Variants in PARVB observed in about 807,000 individuals in gnomAD.
PARVB encodes parvin beta, also known as beta-parvin.
Under a neutral mutation model 47.0 loss-of-function variants are expected in PARVB, and 46 were observed. That is an observed-to-expected ratio of 0.98 (90% CI 0.77 to 1.25). The LOEUF is 1.25. Ranked by LOEUF, PARVB falls within the 50% of genes most tolerant of loss-of-function variation. PARVB has a pLI of 0.00. For missense variants in PARVB, 473 were observed against 471.6 expected (o/e 1.00, Z -0.03); for synonymous variants, 196 against 196.3 (o/e 1.00, Z 0.01).
At chr22:44,084,326 G>A (rs1406441171) in intron 1 of PARVB, among the ~76,000 whole-genome samples, 3 of 152,238 alleles carry the variant, frequency 2.0e-5, no homozygotes, top group Non-Finnish European at 2.9e-5. Context: ...GGTGGCAGGA[G>A]GGGTGGCTCT....
At chr22:44,022,078 C>G (rs1157429842), upstream of PARVB, among the ~76,000 whole-genome samples, 2 of 152,122 alleles carry the variant, frequency 1.3e-5, no homozygotes, top group African/African-American at 2.4e-5. Context: ...TTCATCTTCA[C>G]TTGATCATCT....
intron 1 of PARVB, among the ~76,000 whole-genome samples, chr22:44,033,280 G>A (rs1231826502): frequency 6.6e-6 from 1 of 152,132 alleles, no homozygotes; most frequent in Non-Finnish European, 1.5e-5. Context: ...GACCTCAACT[G>A]ATCCGCCCAC....
At position 44,093,946 on chromosome 22, in the gene PARVB, A is replaced by G; in HGVS notation, c.131A>G (p.Glu44Gly). 1 of 1,613,612 alleles carries G rather than the reference A, an allele frequency of 6.2e-7. No homozygotes were observed. Among genetic ancestry groups the G allele is most frequent in the Non-Finnish European group, 8.5e-7 (1 of 1,179,558 alleles). Residue 44 changes from glutamate (E) to glycine (G), a missense_variant, in exon 2 of 13, where the codon GAA (glutamate) becomes GGA (glycine). Physicochemically the swap from Glu to Gly is moderately conservative, Grantham distance 98. Transcript: ENST00000338758. ...TCAACAGTGAGTGACCTGCAGGAAG[A>G]AGGCAAGAATGCCATCAACTCACCG... ...RAREVSDLQE[E>G]GKNAINSPMS...
In PARVB at chr22:44,103,718, C is replaced by T. The variant is rs2052504234; in HGVS notation, c.273+3595C>T. ...AGAGGGACATGGGGAGCTTTGACTG[C>T]CCATGAACATGGCAGCTTGACCCTG... On this transcript the variant is annotated intron_variant, in intron 3 of 12. Transcript: ENST00000338758. The surrounding 1 kb of genome is among the most constrained non-coding windows in gnomAD (Gnocchi z 4.6). 6.6e-6 allele frequency: 1 copy of T among 152,242 alleles called. No individual in the cohort carries two copies. The highest frequency in any genetic ancestry group is 2.4e-5 in the African/African-American group (1 of 41,452). 9.4% of individuals were successfully genotyped at this position (152,242 alleles called of 1,614,324 possible). A position where few individuals can be genotyped will look rare whatever the true frequency, so the allele number is the denominator to read the frequency against.
At chr22:44,142,409 A>T (rs1019549181) in intron 8 of PARVB, 1 of 132,418 alleles carries the variant, frequency 7.6e-6, no homozygotes, top group Non-Finnish European at 1.6e-5. Context: ...AAAAAAAAAA[A>T]AAAAAGATGA....
chr22:44,005,275 A>ATT (rs10711277), intron 2 of PARVB, among the ~76,000 whole-genome samples: 2 of 132,988 alleles, frequency 1.5e-5, no homozygotes. Context: ...AATTTTTTCT[A>ATT]TTTTTTTTTT....
At position 44,125,660 on chromosome 22, in the gene PARVB, G is replaced by A. The variant is rs1438103031; in HGVS notation, c.377-5827G>A. The stretch of plus-strand genomic sequence containing the variant: ...CAGGTGGCAGAGAGGGAGGGAGAGA[G>A]CCAAGAGATGAGGCTGGGGCCAGAT... On this transcript the variant is annotated intron_variant, in intron 4 of 12. Coordinates refer to ENST00000338758, the MANE Select transcript of PARVB (RefSeq NM_013327.5). The surrounding 1 kb of genome is among the most constrained non-coding windows in gnomAD (Gnocchi z 4.1). 6.6e-6 allele frequency among the ~76,000 whole-genome samples: 1 copy of A among 152,080 alleles called. No individual in the cohort carries two copies. Among genetic ancestry groups the A allele is most frequent in the African/African-American group, 2.4e-5 (1 of 41,422 alleles).
chr22:44,127,273 A>C (rs2053207542), intron 4 of PARVB, among the ~76,000 whole-genome samples: 1 of 152,176 alleles, frequency 6.6e-6, no homozygotes, highest in Non-Finnish European at 1.5e-5. Context: ...TGTACTGAAA[A>C]AAAGAACAGT....
intron 7 of PARVB, among the ~76,000 whole-genome samples, chr22:44,137,159 C>G (rs2053456746): frequency 6.6e-6 from 1 of 152,234 alleles, no homozygotes; most frequent in Non-Finnish European, 1.5e-5. Flanking sequence ...AATCCATCAG[C>G]TAAGTTCACA....
chr22:44,065,859 A>ATGTGTGTGTG (rs139664039), intron 1 of PARVB, among the ~76,000 whole-genome samples: 14 of 144,530 alleles, frequency 9.7e-5, no homozygotes, highest in African/African-American at 2.5e-4. Flanking sequence ...GTGTGTGTGC[A>ATGTGTGTGTG]TGTGTGTGTG....
intron 5 of PARVB, among the ~76,000 whole-genome samples, chr22:44,131,937 G>T (rs2046570345): frequency 6.6e-6 from 1 of 152,196 alleles, no homozygotes. Flanking sequence ...CAGCCTTGGG[G>T]GGTTCTTGTT....
chr22:44,159,603 C>T (rs779480259), intron 11 of PARVB, among the ~76,000 whole-genome samples: 13 of 152,234 alleles, frequency 8.5e-5, no homozygotes, highest in Non-Finnish European at 1.9e-4. Context: ...GAACACTCTC[C>T]TTCGGAGGAT....
At position 44,024,360 on chromosome 22, in the gene PARVB, G is replaced by T; in HGVS notation, c.21G>T (p.Ser7=). 8.7e-7 allele frequency: 1 copy of T among 1,152,912 alleles called. No individual in the cohort carries two copies. 71.4% of individuals were successfully genotyped at this position (1,152,912 alleles called of 1,614,324 possible). A position where few individuals can be genotyped will look rare whatever the true frequency, so the allele number is the denominator to read the frequency against. ...GGCCCATGTCCTCCGCGCCGCGCTC[G>T]CCCACCCCGCGGCCCCGCAGGATGA... MSSAPR[S]PTPRPRRMKK... Residue 7 remains serine (S), a synonymous_variant, in exon 1 of 13, where the codon TCG becomes TCT. Transcript: ENST00000338758.
intron 1 of PARVB, among the ~76,000 whole-genome samples, chr22:44,030,291 C>T (rs1159756650): frequency 6.6e-6 from 1 of 152,214 alleles, no homozygotes; most frequent in Admixed American, 6.5e-5. Context: ...GGGGTCTCAC[C>T]ACCCAGACTT....
At chr22:44,099,604 T>C (rs1319102535) in intron 2 of PARVB, among the ~76,000 whole-genome samples, 2 of 152,200 alleles carry the variant, frequency 1.3e-5, no homozygotes, top group Non-Finnish European at 2.9e-5. Context: ...TTGATTCTTT[T>C]CCATGGAATG....
intron 3 of PARVB, chr22:44,106,146 T>A (rs977764616): frequency 6.9e-6 from 1 of 144,232 alleles, no homozygotes; most frequent in Non-Finnish European, 1.5e-5. Context: ...GTGTTTTTTT[T>A]TTTTTTTTTT....
At chr22:43,999,453 G>T (rs376321559) in intron 1 of PARVB, 26 of 1,585,504 alleles carry the variant, frequency 1.6e-5, no homozygotes, top group South Asian at 1.4e-4. Context: ...TTAAAATCAG[G>T]TTGTACTCAG....
At chr22:44,157,896 A>G in intron 10 of PARVB, 86 bp from the exon 11 acceptor site, 2 of 909,390 alleles carry the variant, frequency 2.2e-6, no homozygotes, top group Admixed American at 3.8e-5. Flanking sequence ...CTGTCTCAGA[A>G]GAAAAAATAT....
intron 1 of PARVB, among the ~76,000 whole-genome samples, chr22:44,058,989 G>A (rs942036086): frequency 5.4e-5 from 8 of 148,382 alleles, no homozygotes; most frequent in Non-Finnish European, 4.5e-5. Context: ...ATGGGGGGGG[G>A]AAACAGAAGC....
Sources: allele counts gnomAD v4.1 joint callset (sites outside exome capture counted in the v4.1 genomes callset), GRCh38; gene constraint gnomAD v4.1.1; non-coding constraint Gnocchi (gnomAD v3.1); transcripts MANE v1.5; gene names NCBI Gene and HGNC (gene_info 2026-07-23, HGNC 2026-07-21).